GMDS: variants seen among roughly 807,000 people sequenced by gnomAD.
The protein encoded by GMDS is GDP-mannose 4,6 dehydratase.
Under a neutral mutation model 49.9 loss-of-function variants are expected in GMDS, and 20 were observed. That is an observed-to-expected ratio of 0.40 (90% CI 0.28 to 0.58). The LOEUF is 0.58. Ranked by LOEUF, GMDS falls within the 20% of genes least tolerant of loss-of-function variation. GMDS has a pLI of 0.42. For synonymous variants in GMDS, 177 were observed against 178.6 expected (o/e 0.99, Z 0.07); for missense variants, 362 against 481.4 (o/e 0.75, Z 2.32).
chr6:2,084,767 A>G (rs931181348), intron 4 of GMDS, among the ~76,000 whole-genome samples: 1 of 152,166 alleles, frequency 6.6e-6, no homozygotes, highest in Non-Finnish European at 1.5e-5. Context: ...TCAGCTTCCC[A>G]AAGTGCTGGG....
chr6:1,864,215 G>A, intron 7 of GMDS, among the ~76,000 whole-genome samples: 1 of 152,042 alleles, frequency 6.6e-6, no homozygotes, highest in East Asian at 1.9e-4. Context: ...TTATAGCAGA[G>A]ATTTGGGAAG....
At chr6:1,948,567 G>T (rs1205944551) in intron 6 of GMDS, among the ~76,000 whole-genome samples, 1 of 152,076 alleles carries the variant, frequency 6.6e-6, no homozygotes, top group African/African-American at 2.4e-5. Flanking sequence ...AATGGCAGGA[G>T]GATCTCTCGA....
At chr6:1,995,236 G>A (rs1454076520) in intron 4 of GMDS, among the ~76,000 whole-genome samples, 2 of 152,112 alleles carry the variant, frequency 1.3e-5, no homozygotes, top group Non-Finnish European at 2.9e-5. Flanking sequence ...GTTTACAGTG[G>A]GGTACAAGGG....
chr6:2,095,896 A>AG (rs1304931282), intron 4 of GMDS, among the ~76,000 whole-genome samples: 1 of 152,202 alleles, frequency 6.6e-6, no homozygotes, highest in African/African-American at 2.4e-5. Context: ...CCCTCAAAAA[A>AG]GGGGGAGAGA....
intron 8 of GMDS, among the ~76,000 whole-genome samples, chr6:1,729,447 C>T (rs975854015): frequency 6.6e-6 from 1 of 152,202 alleles, no homozygotes; most frequent in Non-Finnish European, 1.5e-5. Context: ...AATATAGCTA[C>T]ATTGAATGAG....
intron 9 of GMDS, among the ~76,000 whole-genome samples, chr6:1,698,974 C>T (rs1428539549): frequency 6.6e-6 from 1 of 152,128 alleles, no homozygotes; most frequent in Non-Finnish European, 1.5e-5. Flanking sequence ...TCAAAACTCC[C>T]AATCTCCATT....
chr6:2,051,689 G>A (rs1404611696), intron 4 of GMDS, among the ~76,000 whole-genome samples: 1 of 152,038 alleles, frequency 6.6e-6, no homozygotes, highest in Non-Finnish European at 1.5e-5. Context: ...GTATTCTTTG[G>A]AAGAATATGT....
rs551539490 is a variant in GMDS at position 2,230,019 on chromosome 6, C to T, written c.102+15302G>A. Among the ~76,000 whole-genome samples, 333 of 144,306 alleles carry T rather than the reference C, an allele frequency of 2.3e-3. 2 individuals carry two copies. The highest frequency in any genetic ancestry group is 8.4e-3 in the African/African-American group (318 of 37,664). 94.7% of individuals were successfully genotyped at this position (144,306 alleles called of 152,430 possible). A position where few individuals can be genotyped will look rare whatever the true frequency, so the allele number is the denominator to read the frequency against. On this transcript the variant is annotated intron_variant, in intron 1 of 10. Transcript: ENST00000380815. ...CTTTGCGAGACTCCTCTGAAGACCT[C>T]CCTCCAGAGTCCACAGTTGCGAGAC... is the stretch of plus-strand genomic sequence containing the variant.
intron 1 of GMDS, among the ~76,000 whole-genome samples, chr6:2,132,723 AAAATACACAGG>A (rs1775803127): frequency 6.6e-6 from 1 of 152,204 alleles, no homozygotes; most frequent in Non-Finnish European, 1.5e-5. Context: ...CAGGATTGGG[AAAATACACAGG>A]AAATACAAGA....
At chr6:1,914,131 GTTT>G (rs563808537) in intron 7 of GMDS, among the ~76,000 whole-genome samples, 5 of 77,856 alleles carry the variant, frequency 6.4e-5, no homozygotes, top group African/African-American at 9.2e-5. Context: ...TTTTTTGTTT[GTTT>G]TTTTTTTTTT....
intron 7 of GMDS, among the ~76,000 whole-genome samples, chr6:1,757,290 C>A (rs1449664092): frequency 6.6e-6 from 1 of 152,170 alleles, no homozygotes; most frequent in South Asian, 2.1e-4. Flanking sequence ...TGGCCCAATA[C>A]CACTGCTGTC....
chr6:1,735,349 G>C (rs1766965179), intron 8 of GMDS, among the ~76,000 whole-genome samples: 1 of 152,204 alleles, frequency 6.6e-6, no homozygotes, highest in African/African-American at 2.4e-5. Context: ...ACATGTCTCT[G>C]TCCTTAAGGA....
chr6:1,810,800 T>C (rs1398570430), intron 7 of GMDS, among the ~76,000 whole-genome samples: 1 of 152,252 alleles, frequency 6.6e-6, no homozygotes, highest in Non-Finnish European at 1.5e-5. Context: ...ATTATTCCTT[T>C]ATCACTGTGG....
intron 4 of GMDS, among the ~76,000 whole-genome samples, chr6:1,973,787 A>G (rs950626928): frequency 3.3e-5 from 5 of 152,216 alleles, no homozygotes; most frequent in Middle Eastern, 3.2e-3. Flanking sequence ...TTTAGTTAAT[A>G]GATAAAATGA....
At chr6:2,238,321 T>C (rs1781462927) in intron 1 of GMDS, among the ~76,000 whole-genome samples, 1 of 152,030 alleles carries the variant, frequency 6.6e-6, no homozygotes, top group African/African-American at 2.4e-5. Context: ...AGTTCAAAGC[T>C]GCAGCGAGCT....
At chr6:1,817,239 C>A (rs1319971987) in intron 7 of GMDS, among the ~76,000 whole-genome samples, 2 of 151,762 alleles carry the variant, frequency 1.3e-5, no homozygotes, top group African/African-American at 4.8e-5. Flanking sequence ...GGTTGAAAAA[C>A]AGACTCGTCA....
chr6:2,060,230 C>A (rs1055345621), intron 4 of GMDS, among the ~76,000 whole-genome samples: 1 of 152,176 alleles, frequency 6.6e-6, no homozygotes, highest in Non-Finnish European at 1.5e-5. Flanking sequence ...GCATTCTCTG[C>A]CCCTCTGCTC....
At chr6:2,049,505 C>A (rs1246845013) in intron 4 of GMDS, among the ~76,000 whole-genome samples, 1 of 152,158 alleles carries the variant, frequency 6.6e-6, no homozygotes, top group African/African-American at 2.4e-5. Context: ...CACAAATGTT[C>A]ATGTTCTAGT....
chr6:1,726,558 C>T (rs1489472912), intron 8 of GMDS, 46 bp from the exon 9 acceptor site: 1 of 1,409,190 alleles, frequency 7.1e-7, no homozygotes, highest in East Asian at 2.3e-5. Flanking sequence ...TGCTTGGGAA[C>T]ATTTGGCCAT....
Sources: allele counts gnomAD v4.1 joint callset (sites outside exome capture counted in the v4.1 genomes callset), GRCh38; gene constraint gnomAD v4.1.1; transcripts MANE v1.5; gene names NCBI Gene and HGNC (gene_info 2026-07-23, HGNC 2026-07-21).